TMEFF1: variants seen among roughly 807,000 people sequenced by gnomAD.
TMEFF1 encodes the protein tomoregulin-1.
Under a neutral mutation model 47.5 loss-of-function variants are expected in TMEFF1, and 20 were observed. The observed-to-expected ratio is 0.42, with a 90% CI of 0.30 to 0.61. The LOEUF (loss-of-function observed/expected upper bound fraction) is 0.61, where lower values mean the gene tolerates loss of function less well. TMEFF1 is among the 20% of genes least tolerant of loss of function. TMEFF1 has a pLI of 0.19. For missense variants in TMEFF1, 411 were observed against 471.1 expected, an observed-to-expected ratio of 0.87 and a Z score of 1.18; for synonymous variants, 162 against 166.3, an observed-to-expected ratio of 0.97 and a Z score of 0.20.
At chr9:100,547,923 A>G (rs1319918316) in intron 6 of TMEFF1, 31 bp downstream of exon 6, 1 of 1,511,490 alleles carries the variant, frequency 6.6e-7, no homozygotes, top group African/African-American at 1.4e-5. Context: ...TCAGAGACCC[A>G]TCTTTATTAT....
intron 1 of TMEFF1, among the ~76,000 whole-genome samples, chr9:100,481,081 AGTT>A (rs1837330714): frequency 6.6e-6 from 1 of 152,184 alleles, no homozygotes; most frequent in Non-Finnish European, 1.5e-5. Flanking sequence ...CAGTTCCTAC[AGTT>A]GTTTGCTCTA....
intron 8 of TMEFF1, 118 bp from the exon 9 acceptor site, chr9:100,572,400 G>A (rs1839259536): frequency 2.6e-6 from 3 of 1,165,846 alleles, no homozygotes; most frequent in East Asian, 2.8e-5. Context: ...TGGTAGGAAA[G>A]TGCATGATAT....
In TMEFF1 at chr9:100,559,231, G is replaced by A. The variant is rs542140160; in HGVS notation, c.776-2166G>A. Among the ~76,000 whole-genome samples the A allele has an allele frequency of 4.6e-5, 7 of 152,308 alleles. No homozygotes were observed. The South Asian group carries it at 1.4e-3, about 32-fold the overall frequency. ...AGAGGAGTAAGTGCTCAGGATCATA[G>A]CAGCCCAAAAGAGAGCTTGATTTCT... On this transcript the variant is annotated intron_variant, in intron 7 of 9. Coordinates refer to ENST00000374879, the MANE Select transcript of TMEFF1 (RefSeq NM_003692.5).
At chr9:100,517,241 A>G (rs1456139454) in intron 5 of TMEFF1, among the ~76,000 whole-genome samples, 1 of 152,142 alleles carries the variant, frequency 6.6e-6, no homozygotes, top group African/African-American at 2.4e-5. Flanking sequence ...TATTTCCAAT[A>G]TCATTCTTCT....
At chr9:100,528,173 A>C (rs1335348030) in intron 5 of TMEFF1, among the ~76,000 whole-genome samples, 3 of 150,560 alleles carry the variant, frequency 2.0e-5, no homozygotes, top group Admixed American at 6.6e-5. Flanking sequence ...AAACTCTAAA[A>C]AGCAGAGCGC....
rs58747186 is a variant in TMEFF1 at position 100,548,796 on chromosome 9, A to G, written c.709+904A>G. On this transcript the variant is annotated intron_variant, in intron 6 of 9. Coordinates refer to ENST00000374879, the MANE Select transcript of TMEFF1 (RefSeq NM_003692.5). ...TGCAGTACCTCTGGTCTAAACTACCAAAGAATACCCAGGAAGCTCATCAGA... is the reference window on the plus strand; with the variant it reads ...TGCAGTACCTCTGGTCTAAACTACCGAAGAATACCCAGGAAGCTCATCAGA... 6.5e-3 allele frequency among the ~76,000 whole-genome samples: 985 copies of G among 152,318 alleles called. 6 individuals are homozygous for G. The highest frequency in any genetic ancestry group is 0.023 in the African/African-American group (948 of 41,570).
chr9:100,555,801 TTC>T (rs776983938), intron 7 of TMEFF1, among the ~76,000 whole-genome samples: 1 of 152,222 alleles, frequency 6.6e-6, no homozygotes, highest in Non-Finnish European at 1.5e-5. Flanking sequence ...CAGTAGGATA[TTC>T]TTTCATTTAA....
intron 7 of TMEFF1, among the ~76,000 whole-genome samples, chr9:100,551,732 G>T (rs538241977): frequency 6.6e-6 from 1 of 152,280 alleles, no homozygotes; most frequent in South Asian, 2.1e-4. Flanking sequence ...TCATTTTACT[G>T]TTTGTAGTTA....
rs1027946297 is a variant in TMEFF1 at position 100,532,712 on chromosome 9, A to G, written c.561-15032A>G. ...TCAGGGATCTAGAACTGGAAATACC[A>G]TTTGACCCAGCCATCCCATTACTGG... On this transcript the variant is annotated intron_variant, in intron 5 of 9. Coordinates refer to ENST00000374879, the MANE Select transcript of TMEFF1 (RefSeq NM_003692.5). Among the ~76,000 whole-genome samples the G allele has an allele frequency of 2.4e-3, 371 of 151,882 alleles. 1 individual carries two copies. The highest frequency in any genetic ancestry group is 7.8e-3 in the African/African-American group (323 of 41,410).
chr9:100,552,973 A>G (rs1464090490), intron 7 of TMEFF1, among the ~76,000 whole-genome samples: 1 of 152,208 alleles, frequency 6.6e-6, no homozygotes. Context: ...GAGTTGAAGA[A>G]AGTTCTGTTG....
rs577111007 is a variant in TMEFF1 at position 100,473,748 on chromosome 9, C to G, written c.196+8C>G. ...AGAGCATCAACTGCTCAGGTAGGACCGGTCGGAGCCGGCCCTAGGTCTTCC... is the reference window on the plus strand; with the variant it reads ...AGAGCATCAACTGCTCAGGTAGGACGGGTCGGAGCCGGCCCTAGGTCTTCC... On this transcript the variant is annotated splice_region_variant and intron_variant, in intron 1 of 9. Coordinates refer to ENST00000374879, the MANE Select transcript of TMEFF1 (RefSeq NM_003692.5). The surrounding 1 kb of genome is among the most constrained non-coding windows in gnomAD (Gnocchi z 5.4). 2 of 1,502,516 alleles carry G rather than the reference C, an allele frequency of 1.3e-6. No homozygotes were observed. The highest frequency in any genetic ancestry group is 2.5e-5 in the South Asian group (2 of 79,358). 93.1% of individuals were successfully genotyped at this position (1,502,516 alleles called of 1,614,324 possible).
chr9:100,537,569 G>T (rs1838542410), intron 5 of TMEFF1, among the ~76,000 whole-genome samples: 1 of 152,182 alleles, frequency 6.6e-6, no homozygotes, highest in Non-Finnish European at 1.5e-5. Context: ...AGATGCTCTG[G>T]CAGGGGCAAT....
chr9:100,538,587 T>C (rs1490474716), intron 5 of TMEFF1, among the ~76,000 whole-genome samples: 4 of 152,256 alleles, frequency 2.6e-5, no homozygotes, highest in Non-Finnish European at 4.4e-5. Context: ...TTCTTTATAT[T>C]TTATCACATA....
At chr9:100,547,327 C>G (rs900602787) in intron 5 of TMEFF1, among the ~76,000 whole-genome samples, 3 of 152,078 alleles carry the variant, frequency 2.0e-5, no homozygotes, top group Non-Finnish European at 4.4e-5. Context: ...TTATTATTAC[C>G]TCCATTTTAC....
At chr9:100,524,476 T>C (rs1215333615) in intron 5 of TMEFF1, among the ~76,000 whole-genome samples, 1 of 152,152 alleles carries the variant, frequency 6.6e-6, no homozygotes, top group East Asian at 1.9e-4. Context: ...AGGTTCCCTT[T>C]TGGGGAAGTC....
At chr9:100,562,340 T>C (rs1168653957) in intron 8 of TMEFF1, among the ~76,000 whole-genome samples, 1 of 152,164 alleles carries the variant, frequency 6.6e-6, no homozygotes, top group East Asian at 1.9e-4. Flanking sequence ...AGTGAATCTT[T>C]CTTTCCAAAA....
At chr9:100,540,560 A>G (rs1044097083) in intron 5 of TMEFF1, among the ~76,000 whole-genome samples, 5 of 150,404 alleles carry the variant, frequency 3.3e-5, no homozygotes, top group Admixed American at 2.0e-4. Flanking sequence ...GGCCAGCCCC[A>G]GAGAGGGGCC....
intron 7 of TMEFF1, among the ~76,000 whole-genome samples, chr9:100,555,191 A>G (rs191278463): frequency 0.012 from 1,766 of 151,358 alleles, 39 homozygotes; most frequent in African/African-American, 0.04. Context: ...ACACACACAC[A>G]CACGCACACA....
chr9:100,505,692 A>G (rs1250193485), intron 2 of TMEFF1, among the ~76,000 whole-genome samples: 1 of 152,152 alleles, frequency 6.6e-6, no homozygotes, highest in African/African-American at 2.4e-5. Flanking sequence ...TCTATCTGGT[A>G]AATTACAGTA....
Sources: gnomAD v4.1 joint callset for allele counts (sites outside exome capture counted in the v4.1 genomes callset) on GRCh38, gnomAD v4.1.1 for gene constraint, Gnocchi (gnomAD v3.1) non-coding constraint, MANE v1.5 for transcripts, NCBI Gene and HGNC (gene_info 2026-07-23, HGNC 2026-07-21) for gene names.